PITPNB: variants seen among roughly 807,000 people sequenced by gnomAD.
The protein encoded by PITPNB is phosphatidylinositol transfer protein beta isoform.
In PITPNB, 16 loss-of-function variants were observed where a neutral mutation model predicts 45.9. The ratio of observed to expected loss-of-function variants is 0.35; its 90% CI spans 0.24 to 0.53. PITPNB has a LOEUF of 0.53. PITPNB is among the 20% of genes least tolerant of loss of function. The pLI, the probability that PITPNB is intolerant of heterozygous loss-of-function variation, is 0.93. For synonymous variants in PITPNB, 112 were observed against 108.9 expected, an observed-to-expected ratio of 1.03 and a Z score of -0.18; for missense variants, 188 against 330.5, an observed-to-expected ratio of 0.57 and a Z score of 3.34.
At chr22:27,862,448 C>T (rs1044748105) in intron 8 of PITPNB, among the ~76,000 whole-genome samples, 3 of 152,170 alleles carry the variant, frequency 2.0e-5, no homozygotes, top group African/African-American at 2.4e-5. Context: ...TCTGTAGTAA[C>T]ATTTCATCTT....
chr22:27,913,007 G>C (rs5762400), intron 2 of PITPNB, among the ~76,000 whole-genome samples: 88 of 137,910 alleles, frequency 6.4e-4, no homozygotes, highest in African/African-American at 2.2e-3. Flanking sequence ...AAAAAAAGGT[G>C]GGGGGGGGAG....
At position 27,914,321 on chromosome 22, in the gene PITPNB, TGAACA is replaced by T; in HGVS notation, c.42_46del (p.Val15GlyfsTer14). 6.3e-7 allele frequency: 1 copy of T among 1,594,752 alleles called. No individual in the cohort carries two copies. Among genetic ancestry groups the T allele is most frequent in the Non-Finnish European group, 8.6e-7 (1 of 1,163,252 alleles). ...GCAGAAGCAAGAAAAACTCACCTCC[TGAACA>T]GAACATGGCAAAACCACACGGCTAA... On this transcript the variant is annotated frameshift_variant, in exon 2 of 12. Transcript: ENST00000335272. LOFTEE classifies it high-confidence loss of function.
chr22:27,867,462 C>G (rs1294135833), intron 8 of PITPNB, among the ~76,000 whole-genome samples: 1 of 152,176 alleles, frequency 6.6e-6, no homozygotes, highest in Non-Finnish European at 1.5e-5. Flanking sequence ...GTAGGTTAAT[C>G]TAATTTCACA....
intron 8 of PITPNB, 178 bp from the exon 9 acceptor site, chr22:27,860,419 T>TG: frequency 1.9e-6 from 1 of 518,288 alleles, no homozygotes; most frequent in East Asian, 3.1e-5. Flanking sequence ...ATTCCCCTGC[T>TG]GTAAACCCTC....
intron 10 of PITPNB, 150 bp downstream of exon 10, chr22:27,858,237 G>T: frequency 1.6e-6 from 1 of 633,728 alleles, no homozygotes; most frequent in Non-Finnish European, 2.7e-6. Flanking sequence ...GAATAGCAGT[G>T]TCTAAGAAAC....
chr22:27,911,624 AATAG>A (rs1003422431), intron 2 of PITPNB, among the ~76,000 whole-genome samples: 3 of 152,182 alleles, frequency 2.0e-5, no homozygotes, highest in African/African-American at 7.2e-5. Context: ...AAAGAAACAT[AATAG>A]ATAGTCCAAA....
chr22:27,866,850 A>T (rs1448998834), intron 8 of PITPNB, among the ~76,000 whole-genome samples: 1 of 152,190 alleles, frequency 6.6e-6, no homozygotes, highest in Non-Finnish European at 1.5e-5. Flanking sequence ...CAAGAAAGTT[A>T]AAAATAAATG....
chr22:27,899,262 T>C (rs1935524715), intron 3 of PITPNB, among the ~76,000 whole-genome samples: 1 of 152,238 alleles, frequency 6.6e-6, no homozygotes, highest in Non-Finnish European at 1.5e-5. Context: ...CCTTTCTTCA[T>C]TTAAATCTTC....
intron 8 of PITPNB, among the ~76,000 whole-genome samples, chr22:27,869,236 C>T (rs939137769): frequency 3.9e-5 from 6 of 152,032 alleles, no homozygotes; most frequent in African/African-American, 1.2e-4. Flanking sequence ...CATCAAGTGC[C>T]GAACCCTAAG....
chr22:27,858,445 T>A lies in PITPNB; in HGVS notation c.710A>T (p.Asp237Val). 1.2e-6 allele frequency: 2 copies of A among 1,610,540 alleles called. No homozygotes were observed. Among genetic ancestry groups the A allele is most frequent in the Non-Finnish European group, 1.7e-6 (2 of 1,177,184 alleles). ...TCTCCTAATGTCTTCCATCGTGAGA[T>A]CGATCCACTTGTCAATCCAACAAAA... ...QLFCWIDKWI[D>V]LTMEDIRRME... is the part of the protein sequence containing the mutation. Residue 237 changes from aspartate to valine, a missense_variant, in exon 10 of 12, where the codon GAT becomes GTT. By Grantham distance (152) the Asp-to-Val change is radical. Transcript: ENST00000335272.
intron 7 of PITPNB, among the ~76,000 whole-genome samples, chr22:27,890,627 A>T (rs1402943873): frequency 6.6e-6 from 1 of 152,166 alleles, no homozygotes; most frequent in Non-Finnish European, 1.5e-5. Context: ...ATCCTGGCTA[A>T]CATGGCGAAA....
At chr22:27,886,562 A>C (rs933376584) in intron 7 of PITPNB, among the ~76,000 whole-genome samples, 2 of 152,220 alleles carry the variant, frequency 1.3e-5, no homozygotes, top group Non-Finnish European at 2.9e-5. Flanking sequence ...CTGCATGGTG[A>C]AGTATAGTTC....
intron 7 of PITPNB, among the ~76,000 whole-genome samples, chr22:27,893,064 G>A (rs1317335085): frequency 6.6e-6 from 1 of 152,174 alleles, no homozygotes; most frequent in African/African-American, 2.4e-5. Context: ...ACCAAAAATA[G>A]AAATGGAAAG....
intron 1 of PITPNB, among the ~76,000 whole-genome samples, chr22:27,917,915 GAGA>G (rs1422557630): frequency 1.3e-5 from 2 of 152,196 alleles, no homozygotes; most frequent in African/African-American, 4.8e-5. Context: ...GGGATTCCCT[GAGA>G]AGGTGACGTC....
rs1180817778 is a variant in PITPNB at position 27,919,237 on chromosome 22, C to T, written c.-46G>A. 3.3e-6 allele frequency: 5 copies of T among 1,528,018 alleles called. No individual in the cohort carries two copies. Among genetic ancestry groups the T allele is most frequent in the Non-Finnish European group, 4.5e-6 (5 of 1,104,392 alleles). 94.7% of individuals were successfully genotyped at this position (1,528,018 alleles called of 1,614,324 possible). A position where few individuals can be genotyped will look rare whatever the true frequency, so the allele number is the denominator to read the frequency against. On this transcript the variant is annotated 5_prime_UTR_variant, in exon 1 of 12. Coordinates refer to ENST00000335272, the MANE Select transcript of PITPNB (RefSeq NM_012399.5). The stretch of plus-strand genomic sequence containing the variant: ...GCTGCCGCCGATACCACCGCCGCCG[C>T]CGCCGCTACCGCCTCTCACAGCGCC...
chr22:27,915,317 ATTTCTT>A (rs1936045196), intron 1 of PITPNB, among the ~76,000 whole-genome samples: 1 of 151,928 alleles, frequency 6.6e-6, no homozygotes, highest in Admixed American at 6.6e-5. Flanking sequence ...TCAGCTTATA[ATTTCTT>A]TTTCTTTTTT....
At chr22:27,871,950 A>AC in intron 8 of PITPNB, among the ~76,000 whole-genome samples, 1 of 151,976 alleles carries the variant, frequency 6.6e-6, no homozygotes, top group South Asian at 2.1e-4. Context: ...CCCCTGCCCC[A>AC]CTTCCACCAT....
chr22:27,882,764 TCTGGTGAAGGAGCACTCACATA>T (rs1168916742), intron 7 of PITPNB, among the ~76,000 whole-genome samples: 15 of 152,130 alleles, frequency 9.9e-5, no homozygotes, highest in Admixed American at 9.8e-4. Flanking sequence ...AAAATAACCC[TCTGGTGAAGGAGCACTCACATA>T]CTACACAACC....
chr22:27,911,548 C>T (rs977408790), intron 2 of PITPNB, among the ~76,000 whole-genome samples: 2 of 152,188 alleles, frequency 1.3e-5, no homozygotes, highest in African/African-American at 2.4e-5. Context: ...AGCTGAGCAA[C>T]CAGCATATTG....
Sources: gnomAD v4.1 joint callset for allele counts (sites outside exome capture counted in the v4.1 genomes callset) on GRCh38, gnomAD v4.1.1 for gene constraint, MANE v1.5 for transcripts, NCBI Gene and HGNC (gene_info 2026-07-23, HGNC 2026-07-21) for gene names.